Variants in ATP9A observed in about 807,000 individuals in gnomAD.
ATP9A encodes probable phospholipid-transporting ATPase IIA.
In ATP9A, 52 loss-of-function variants were observed where a neutral mutation model predicts 144.1. The observed-to-expected ratio is 0.36, with a 90% CI of 0.29 to 0.45. ATP9A has a LOEUF of 0.45. ATP9A is among the 20% of genes least tolerant of loss of function. The pLI, the probability that ATP9A is intolerant of heterozygous loss-of-function variation, is 1.00. For synonymous variants in ATP9A, 582 were observed against 557.4 expected, an observed-to-expected ratio of 1.04 and a Z score of -0.62; for missense variants, 947 against 1,392.7, an observed-to-expected ratio of 0.68 and a Z score of 5.09.
At chr20:51,639,195 C>T (rs2077307984) in intron 15 of ATP9A, 148 bp downstream of exon 15, 1 of 890,756 alleles carries the variant, frequency 1.1e-6, no homozygotes. Context: ...GAACTAATTT[C>T]CTTTCTGCTT....
chr20:51,674,830 T>C (rs1016008710), intron 10 of ATP9A, among the ~76,000 whole-genome samples: 1 of 152,100 alleles, frequency 6.6e-6, no homozygotes, highest in Non-Finnish European at 1.5e-5. Flanking sequence ...ATTTTATTAT[T>C]TATTTATTTA....
At position 51,768,314 on chromosome 20, in the gene ATP9A, C is replaced by T; in HGVS notation, c.56G>A (p.Arg19Lys). 7.6e-7 allele frequency: 1 copy of T among 1,311,702 alleles called. No homozygotes were observed. Among genetic ancestry groups the T allele is most frequent in the Non-Finnish European group, 9.8e-7 (1 of 1,020,458 alleles). The allele number at this position is 1,311,702 out of a possible 1,614,324, so 81.3% of individuals were successfully genotyped here. The change falls in exon 1 of 28, where the codon AGG becomes AAG. Residue 19 changes from arginine to lysine, a missense_variant. Arg to Lys is a conservative substitution (Grantham distance 26). Transcript: ENST00000338821. Reference sequence around the variant, plus strand: ...CAGGCCCACTCACCCGGCGCGGGGCCTGCTGTCCATCCGCTTCTTCTGGCG... The same window carrying T: ...CAGGCCCACTCACCCGGCGCGGGGCTTGCTGTCCATCCGCTTCTTCTGGCG... The part of the protein sequence containing the change: ...PVRQKKRMDS[R>K]PRAGCCEWLR...
At chr20:51,700,851 G>A (rs1216540098) in intron 4 of ATP9A, among the ~76,000 whole-genome samples, 1 of 151,990 alleles carries the variant, frequency 6.6e-6, no homozygotes, top group Non-Finnish European at 1.5e-5. Flanking sequence ...AAACAGAGAG[G>A]GAGCGAAAGA....
At chr20:51,625,449 C>T (rs537575679) in intron 17 of ATP9A, 87 bp from the exon 18 acceptor site, 5 of 1,445,812 alleles carry the variant, frequency 3.5e-6, no homozygotes, top group East Asian at 2.4e-5. Context: ...AGGGCCACAC[C>T]CGATCCCCAC....
chr20:51,646,748 A>ATT (rs11475833), intron 14 of ATP9A, among the ~76,000 whole-genome samples: 4,406 of 151,260 alleles, frequency 0.029, 157 homozygotes, highest in African/African-American at 0.083. Context: ...TACTGCTTCA[A>ATT]TTTTTTTTTT....
chr20:51,714,475 G>A (rs1190311585), intron 3 of ATP9A, among the ~76,000 whole-genome samples: 2 of 152,046 alleles, frequency 1.3e-5, no homozygotes, highest in African/African-American at 2.4e-5. Context: ...TCCGCCTCCC[G>A]GGCTCAAGCG....
In ATP9A at chr20:51,669,869, T is replaced by TA. The variant is rs927887941; in HGVS notation, c.1293+127dup. ...ACAGTTGCTCAACTCTGAATATGCT[T>TA]AAAAAAAAACAATGAATTGTACTCT... On this transcript the variant is annotated intron_variant, in intron 13 of 27. Transcript: ENST00000338821. 1.4e-3 allele frequency: 965 copies of TA among 698,832 alleles called. 4 individuals carry two copies. Among genetic ancestry groups the TA allele is most frequent in the East Asian group, 2.5e-3 (91 of 36,620 alleles). The allele number at this position is 698,832 out of a possible 1,614,324, so 43.3% of individuals were successfully genotyped here.
At chr20:51,643,266 T>C (rs1437177308) in intron 14 of ATP9A, among the ~76,000 whole-genome samples, 2 of 152,172 alleles carry the variant, frequency 1.3e-5, no homozygotes, top group Non-Finnish European at 2.9e-5. Context: ...ACCAATCAAG[T>C]AGTGGGTTTT....
At chr20:51,727,890 C>T (rs2122871192) in intron 2 of ATP9A, among the ~76,000 whole-genome samples, 1 of 151,004 alleles carries the variant, frequency 6.6e-6, no homozygotes, top group Admixed American at 6.6e-5. Context: ...GAGATCACGC[C>T]ATTGTGCACC....
intron 4 of ATP9A, among the ~76,000 whole-genome samples, chr20:51,712,125 T>G (rs966384822): frequency 1.4e-5 from 2 of 146,274 alleles, no homozygotes. Flanking sequence ...CAGGCTGGAG[T>G]GCAGTGGCGC....
At position 51,725,986 on chromosome 20, in the gene ATP9A, CT is replaced by C; in HGVS notation, c.214-55del. ...ACATTCAGGGCTTGTCTGATGAGAT[CT>C]GGAACATTTGGTGGGAAATGAATAA... On this transcript the variant is annotated intron_variant, in intron 2 of 27. Coordinates refer to ENST00000338821, the MANE Select transcript of ATP9A (RefSeq NM_006045.3). The C allele has an allele frequency of 4.7e-6, 5 of 1,068,330 alleles. No homozygotes were observed. In the South Asian group the frequency reaches 6.4e-5, roughly 14 times the overall value. The allele number at this position is 1,068,330 out of a possible 1,614,324, so 66.2% of individuals were successfully genotyped here. A position where few individuals can be genotyped will look rare whatever the true frequency, so the allele number is the denominator to read the frequency against.
At chr20:51,724,107 GT>G (rs2077701945) in intron 3 of ATP9A, among the ~76,000 whole-genome samples, 1 of 152,016 alleles carries the variant, frequency 6.6e-6, no homozygotes, top group South Asian at 2.1e-4. Flanking sequence ...GGAGGCAGAG[GT>G]TGTGGTGAGC....
At position 51,736,075 on chromosome 20, in the gene ATP9A, G is replaced by C. The variant is rs372485192; in HGVS notation, c.69-6097C>G. 3.3e-4 allele frequency among the ~76,000 whole-genome samples: 50 copies of C among 152,358 alleles called. No homozygotes were observed. In the East Asian group the frequency reaches 5.0e-3, roughly 15 times the overall value. ...GGAGGTGAGGGGACAGTTTAGCTGA[G>C]TGCCAAGAAGAAGCTGCCATGCACC... On this transcript the variant is annotated intron_variant, in intron 1 of 27. Transcript: ENST00000338821.
intron 9 of ATP9A, 50 bp from the exon 10 acceptor site, chr20:51,676,258 AC>A (rs2077476855): frequency 7.1e-7 from 1 of 1,398,996 alleles, no homozygotes; most frequent in Non-Finnish European, 9.8e-7. Flanking sequence ...ATTAATACAG[AC>A]AGGCAGGCTT....
chr20:51,723,807 A>G (rs2077700424), intron 3 of ATP9A, among the ~76,000 whole-genome samples: 1 of 152,024 alleles, frequency 6.6e-6, no homozygotes, highest in South Asian at 2.1e-4. Flanking sequence ...CGCCCATCTC[A>G]GCCTCTCAAA....
At position 51,613,790 on chromosome 20, in the gene ATP9A, G is replaced by A. The variant is rs867990198; in HGVS notation, c.2458C>T (p.Gln820Ter). Residue 820 changes from glutamine to a stop codon, truncating the protein, a stop_gained, in exon 23 of 28, where the codon CAA becomes TAA. Coordinates refer to ENST00000338821, the MANE Select transcript of ATP9A (RefSeq NM_006045.3). LOFTEE classifies it high-confidence loss of function. ...ASLAADFSITQFKHLGRLLMV... is the reference protein window; with the variant it reads ...ASLAADFSIT ...AGCAACCGGCCAAGATGCTTAAATTGAGTGATGGAGAAGTCTGCAGCCAAC... is the reference window on the plus strand; with the variant it reads ...AGCAACCGGCCAAGATGCTTAAATTAAGTGATGGAGAAGTCTGCAGCCAAC... The A allele has an allele frequency of 6.2e-7, 1 of 1,614,000 alleles. No homozygotes were observed. Among genetic ancestry groups the A allele is most frequent in the East Asian group, 2.2e-5 (1 of 44,868 alleles).
intron 13 of ATP9A, among the ~76,000 whole-genome samples, chr20:51,665,260 A>C (rs1044777728): frequency 3.9e-5 from 6 of 152,078 alleles, no homozygotes; most frequent in Non-Finnish European, 5.9e-5. Context: ...GGGGTTTGGG[A>C]ACTCAAGGGA....
chr20:51,638,041 C>A, intron 15 of ATP9A, among the ~76,000 whole-genome samples: 1 of 128,962 alleles, frequency 7.8e-6, no homozygotes, highest in Non-Finnish European at 1.6e-5. Flanking sequence ...TAATTCATTC[C>A]TTTCCATGGC....
chr20:51,639,142 G>C (rs1459210939), intron 15 of ATP9A, among the ~76,000 whole-genome samples: 1 of 152,148 alleles, frequency 6.6e-6, no homozygotes, highest in South Asian at 2.1e-4. Context: ...CAGAACCAGG[G>C]ACACCATAAG....
Sources: allele counts gnomAD v4.1 joint callset (sites outside exome capture counted in the v4.1 genomes callset), GRCh38; gene constraint gnomAD v4.1.1; transcripts MANE v1.5; gene names NCBI Gene and HGNC (gene_info 2026-07-23, HGNC 2026-07-21).